Variants in AGTPBP1 observed in about 807,000 individuals in gnomAD.
The protein encoded by AGTPBP1 is cytosolic carboxypeptidase 1.
Under a neutral mutation model 143.9 loss-of-function variants are expected in AGTPBP1, and 70 were observed. That is an observed-to-expected ratio of 0.49 (90% CI 0.40 to 0.59). The LOEUF (loss-of-function observed/expected upper bound fraction) is 0.59. AGTPBP1 is among the 20% of genes least tolerant of loss of function. The pLI is 0.00. For missense variants in AGTPBP1, 1,229 were observed against 1,464.5 expected (o/e 0.84, Z 2.62); for synonymous variants, 463 against 500.2 (o/e 0.93, Z 0.99).
intron 13 of AGTPBP1, 88 bp downstream of exon 13, chr9:85,642,739 A>T (rs1440801667): frequency 9.5e-7 from 1 of 1,047,866 alleles, no homozygotes; most frequent in African/African-American, 1.6e-5. Context: ...AAATGGAAAG[A>T]AAATAAAAAC....
intron 1 of AGTPBP1, among the ~76,000 whole-genome samples, chr9:85,724,305 A>G (rs977345302): frequency 6.7e-6 from 1 of 149,506 alleles, no homozygotes; most frequent in Non-Finnish European, 1.5e-5. Flanking sequence ...AAAAAAAAAA[A>G]GAAAGAAATA....
intron 1 of AGTPBP1, among the ~76,000 whole-genome samples, chr9:85,737,173 A>G (rs1230603102): frequency 6.6e-6 from 1 of 152,226 alleles, no homozygotes; most frequent in East Asian, 1.9e-4. Flanking sequence ...AACAGTAAAA[A>G]TTATTAATTT....
At chr9:85,764,744 C>T in the AGTPBP1 span, 2 of 1,284,424 alleles carry the variant, frequency 1.6e-6, no homozygotes, top group East Asian at 2.3e-5. Flanking sequence ...ATCAACTCGC[C>T]TGAACTTAAT....
chr9:85,703,229 A>G (rs1836783655), intron 2 of AGTPBP1, among the ~76,000 whole-genome samples: 1 of 152,190 alleles, frequency 6.6e-6, no homozygotes, highest in Non-Finnish European at 1.5e-5. Flanking sequence ...TTTTTTGAGG[A>G]TTTGAAATAA....
intron 14 of AGTPBP1, among the ~76,000 whole-genome samples, chr9:85,627,991 G>A (rs1564079110): frequency 6.6e-6 from 1 of 152,202 alleles, no homozygotes; most frequent in Non-Finnish European, 1.5e-5. Flanking sequence ...ACAGGGGCTG[G>A]TGCCCCAACC....
At chr9:85,795,950 T>C in the AGTPBP1 span, among the ~76,000 whole-genome samples, 1 of 149,672 alleles carries the variant, frequency 6.7e-6, no homozygotes, top group Non-Finnish European at 1.5e-5. Context: ...GCAATGACCT[T>C]GGAACGATAA....
intron 17 of AGTPBP1, among the ~76,000 whole-genome samples, chr9:85,613,058 T>C (rs80261230): frequency 0.02 from 3,114 of 152,128 alleles, 107 homozygotes; most frequent in African/African-American, 0.071. Context: ...TTTGAAAGAA[T>C]GAGAAAAGTC....
chr9:85,710,699 C>CAAAAAA (rs368952660), intron 2 of AGTPBP1, among the ~76,000 whole-genome samples: 1 of 146,488 alleles, frequency 6.8e-6, no homozygotes, highest in Non-Finnish European at 1.5e-5. Flanking sequence ...ACAACAACAA[C>CAAAAAA]AAAAAAAACA....
chr9:85,760,138 A>G, the AGTPBP1 span, among the ~76,000 whole-genome samples: 34 of 152,296 alleles, frequency 2.2e-4, no homozygotes, highest in Non-Finnish European at 4.0e-4. Context: ...TAGCTTACCA[A>G]CCGAAAAAAG....
Position 85,573,736 on chromosome 9 carries a change from G to A in AGTPBP1, c.3503+1579C>T, listed in dbSNP as rs1022706624. Among the ~76,000 whole-genome samples the A allele has an allele frequency of 2.0e-5, 3 of 151,690 alleles. No individual in the cohort carries two copies. In the South Asian group the frequency reaches 6.3e-4, roughly 32 times the overall value. ...CCGGCCGCCCATCATCTGAGATGTG[G>A]GGAGCGCCTCTGCCCCACCACCCCG... On this transcript the variant is annotated intron_variant, in intron 25 of 25. Transcript: ENST00000357081.
In AGTPBP1 at chr9:85,677,584, TA is replaced by T; in HGVS notation, c.290-3del. The T allele has an allele frequency of 6.8e-7, 1 of 1,469,850 alleles. No individual in the cohort carries two copies. The highest frequency in any genetic ancestry group is 9.0e-7 in the Non-Finnish European group (1 of 1,113,756). 91.1% of individuals were successfully genotyped at this position (1,469,850 alleles called of 1,614,324 possible). ...AGAAACTCACTCTTCGACCTCCACC[TA>T]AAAATTAAAAAAAAAAAAAATTTAA... On this transcript the variant is annotated splice_polypyrimidine_tract_variant and splice_region_variant and intron_variant, in intron 5 of 25. Coordinates refer to ENST00000357081, the MANE Select transcript of AGTPBP1 (RefSeq NM_001330701.2).
chr9:85,682,184 A>T (rs1388275866), intron 3 of AGTPBP1, among the ~76,000 whole-genome samples: 1 of 145,822 alleles, frequency 6.9e-6, no homozygotes, highest in Non-Finnish European at 1.5e-5. Context: ...AAAAAAAAAA[A>T]AAAAAAAAAA....
At chr9:85,587,447 C>T (rs186559877) in intron 21 of AGTPBP1, among the ~76,000 whole-genome samples, 2 of 152,024 alleles carry the variant, frequency 1.3e-5, no homozygotes, top group Admixed American at 6.6e-5. Flanking sequence ...TGTTTATTTA[C>T]GGGTACTAAG....
chr9:85,707,096 T>A (rs902319529), intron 2 of AGTPBP1, among the ~76,000 whole-genome samples: 1 of 152,066 alleles, frequency 6.6e-6, no homozygotes, highest in African/African-American at 2.4e-5. Flanking sequence ...AGTAAAAACC[T>A]TTAGAAACCC....
intron 2 of AGTPBP1, among the ~76,000 whole-genome samples, chr9:85,700,545 T>A (rs1345538336): frequency 6.6e-6 from 1 of 152,088 alleles, no homozygotes; most frequent in Non-Finnish European, 1.5e-5. Context: ...AAAGGAGAAC[T>A]AAAATATATG....
intron 24 of AGTPBP1, 148 bp downstream of exon 24, chr9:85,578,771 TC>T (rs2133088092): frequency 2.6e-6 from 2 of 774,602 alleles, no homozygotes; most frequent in South Asian, 4.1e-5. Context: ...AAAAACCTAT[TC>T]TTAAGACTGC....
At position 85,655,301 on chromosome 9, in the gene AGTPBP1, G is replaced by C; in HGVS notation, c.929C>G (p.Thr310Ser). Reference protein sequence around the residue: ...NTSQECLAVRTLDPLVNTSSL... With the variant: ...NTSQECLAVRSLDPLVNTSSL... ...GGAGGTATTGACAAGAGGATCCAGAGTCCTGACTGCCAGACATTCCTGTTT... is the reference window on the plus strand; with the variant it reads ...GGAGGTATTGACAAGAGGATCCAGACTCCTGACTGCCAGACATTCCTGTTT... The change falls in exon 11 of 26, where the codon ACT becomes AGT. Residue 310 changes from threonine (T) to serine (S), a missense_variant. Thr to Ser is a moderately conservative substitution (Grantham distance 58). Coordinates refer to ENST00000357081, the MANE Select transcript of AGTPBP1 (RefSeq NM_001330701.2). 1 of 1,545,956 alleles carries C rather than the reference G, an allele frequency of 6.5e-7. No homozygotes were observed. The highest frequency in any genetic ancestry group is 8.7e-7 in the Non-Finnish European group (1 of 1,145,830).
chr9:85,551,622 T>G (rs1826043862), intron 25 of AGTPBP1, among the ~76,000 whole-genome samples: 1 of 152,224 alleles, frequency 6.6e-6, no homozygotes, highest in Admixed American at 6.5e-5. Flanking sequence ...GTTGACGAGA[T>G]CCTCAGTTTT....
At chr9:85,556,763 G>A (rs889315672) in intron 25 of AGTPBP1, among the ~76,000 whole-genome samples, 4 of 152,062 alleles carry the variant, frequency 2.6e-5, no homozygotes, top group South Asian at 2.1e-4. Flanking sequence ...CCAGAATGAC[G>A]TAATGAAGCA....
Sources: allele counts gnomAD v4.1 joint callset (sites outside exome capture counted in the v4.1 genomes callset), GRCh38; gene constraint gnomAD v4.1.1; transcripts MANE v1.5; gene names NCBI Gene and HGNC (gene_info 2026-07-23, HGNC 2026-07-21).